Variants in SCAI observed in about 807,000 individuals in gnomAD.
The protein encoded by SCAI is suppressor of cancer cell invasion, also known as protein SCAI.
Under a neutral mutation model 92.2 loss-of-function variants are expected in SCAI, and 24 were observed. The ratio of observed to expected loss-of-function variants is 0.26; its 90% CI spans 0.19 to 0.37. The LOEUF is 0.37. Among genes scored for constraint, SCAI ranks in the 10% least tolerant of loss-of-function variants. SCAI has a pLI of 1.00. For missense variants in SCAI, 450 were observed against 736.2 expected (o/e 0.61, Z 4.50); for synonymous variants, 261 against 258.6 (o/e 1.01, Z -0.09).
chr9:125,028,587 G>A (rs1294664740), intron 4 of SCAI, 109 bp from the exon 5 acceptor site: 1 of 464,156 alleles, frequency 2.2e-6, no homozygotes, highest in African/African-American at 2.0e-5. Context: ...CAAAGCTAAT[G>A]AATTTTTCAT....
At chr9:125,088,222 T>C (rs1834361646) in intron 2 of SCAI, among the ~76,000 whole-genome samples, 1 of 152,074 alleles carries the variant, frequency 6.6e-6, no homozygotes, top group Non-Finnish European at 1.5e-5. Context: ...CACCACCCCA[T>C]GTAGCTGGAA....
intron 3 of SCAI, among the ~76,000 whole-genome samples, chr9:125,036,405 T>C (rs1243319480): frequency 1.3e-5 from 2 of 152,124 alleles, no homozygotes; most frequent in African/African-American, 2.4e-5. Flanking sequence ...GGAGAATGTA[T>C]AAATTAATAA....
At position 124,944,165 on chromosome 9, in the gene SCAI, G is replaced by A. The variant is rs1173352371; in HGVS notation, c.*8642C>T. On this transcript the variant is annotated 3_prime_UTR_variant, in exon 18 of 18. Transcript: ENST00000336505. Reference sequence around the variant, plus strand: ...AGCCATATGGTCTATGTGGCAAAAGGAATGCATTCAGATAACTATAAAAAG... The same window carrying A: ...AGCCATATGGTCTATGTGGCAAAAGAAATGCATTCAGATAACTATAAAAAG... 5 of 152,076 alleles carry A rather than the reference G, an allele frequency of 3.3e-5. No homozygotes were observed. Among genetic ancestry groups the A allele is most frequent in the African/African-American group, 7.2e-5 (3 of 41,410 alleles). 9.4% of individuals were successfully genotyped at this position (152,076 alleles called of 1,614,324 possible).
At chr9:124,986,958 G>C (rs915621208) in intron 14 of SCAI, among the ~76,000 whole-genome samples, 1 of 152,204 alleles carries the variant, frequency 6.6e-6, no homozygotes, top group African/African-American at 2.4e-5. Flanking sequence ...AGCTAGCTCT[G>C]TCATAAATAC....
chr9:124,984,798 T>A (rs1831955531), intron 14 of SCAI, among the ~76,000 whole-genome samples: 1 of 152,032 alleles, frequency 6.6e-6, no homozygotes, highest in Non-Finnish European at 1.5e-5. Flanking sequence ...TTGGAGGTTG[T>A]CAACACAGAA....
intron 2 of SCAI, among the ~76,000 whole-genome samples, chr9:125,119,226 C>T (rs949261001): frequency 6.6e-6 from 1 of 152,136 alleles, no homozygotes; most frequent in African/African-American, 2.4e-5. Flanking sequence ...AGTCTCAAAG[C>T]AAACCCATGA....
intron 9 of SCAI, among the ~76,000 whole-genome samples, chr9:125,011,590 C>A (rs1300213183): frequency 6.6e-6 from 1 of 152,166 alleles, no homozygotes; most frequent in African/African-American, 2.4e-5. Context: ...GAGAATGGAA[C>A]CAAGTTGGAA....
chr9:125,105,352 G>C (rs768774530), intron 2 of SCAI, among the ~76,000 whole-genome samples: 3 of 152,188 alleles, frequency 2.0e-5, no homozygotes, highest in Non-Finnish European at 2.9e-5. Flanking sequence ...AATAAGGAAA[G>C]ATTCTATTTC....
At chr9:125,090,155 G>A (rs1834402149) in intron 2 of SCAI, among the ~76,000 whole-genome samples, 1 of 152,160 alleles carries the variant, frequency 6.6e-6, no homozygotes, top group Admixed American at 6.5e-5. Context: ...TACATACTAG[G>A]AGCTAGGCAT....
At chr9:125,133,995 A>AT (rs1485636142) in intron 2 of SCAI, among the ~76,000 whole-genome samples, 3 of 152,154 alleles carry the variant, frequency 2.0e-5, no homozygotes, top group Admixed American at 6.5e-5. Flanking sequence ...TAGGAGGCAA[A>AT]ACCCCCTTAG....
chr9:125,132,890 G>C lies in SCAI; in HGVS notation c.98+9743C>G, dbSNP rs188432320. On this transcript the variant is annotated intron_variant, in intron 2 of 17. Transcript: ENST00000336505. ...TGAGGCAGGAGAATCACTTGAACTT[G>C]GGAGGCAGAGGTTGCAGTAAGCCAA... Among the ~76,000 whole-genome samples, 231 of 152,142 alleles carry C rather than the reference G, an allele frequency of 1.5e-3. 3 individuals carry two copies. The highest frequency in any genetic ancestry group is 5.4e-3 in the African/African-American group (224 of 41,510).
Position 125,091,364 on chromosome 9 carries a change from G to C in SCAI, c.99-35357C>G, listed in dbSNP as rs371578642. The stretch of plus-strand genomic sequence containing the variant: ...TTCTGCTTAAGTTGGCTGGAATTAA[G>C]GTCTGTAATTTTCAACCAAGAACCT... On this transcript the variant is annotated intron_variant, in intron 2 of 17. Transcript: ENST00000336505. This position sits in a 1 kb window ranked among gnomAD's most constrained non-coding sequence, Gnocchi z 4.3. Among the ~76,000 whole-genome samples the C allele has an allele frequency of 5.3e-5, 8 of 152,116 alleles. No individual in the cohort carries two copies. The highest frequency in any genetic ancestry group is 1.9e-4 in the African/African-American group (8 of 41,418).
intron 2 of SCAI, among the ~76,000 whole-genome samples, chr9:125,066,472 T>TTTG (rs1833872342): frequency 6.6e-6 from 1 of 151,886 alleles, no homozygotes; most frequent in African/African-American, 2.4e-5. Flanking sequence ...TTATTTTTTT[T>TTTG]TGAGACGGAG....
At chr9:124,967,588 T>C (rs1831565742) in intron 17 of SCAI, among the ~76,000 whole-genome samples, 1 of 152,094 alleles carries the variant, frequency 6.6e-6, no homozygotes, top group African/African-American at 2.4e-5. Context: ...TCCTTTCTTG[T>C]CATTGGAAGT....
chr9:125,132,488 CGT>C (rs1343072125), intron 2 of SCAI, among the ~76,000 whole-genome samples: 3 of 152,124 alleles, frequency 2.0e-5, no homozygotes, highest in African/African-American at 7.2e-5. Flanking sequence ...TGGATCACCA[CGT>C]GTTTGCTGAA....
intron 2 of SCAI, among the ~76,000 whole-genome samples, chr9:125,135,896 G>C (rs955900485): frequency 6.8e-6 from 1 of 147,250 alleles, no homozygotes; most frequent in Non-Finnish European, 1.5e-5. Context: ...TTGAACCCAG[G>C]AGGCAGAGGC....
intron 2 of SCAI, among the ~76,000 whole-genome samples, chr9:125,123,982 T>C (rs1344401888): frequency 6.6e-6 from 1 of 152,162 alleles, no homozygotes; most frequent in African/African-American, 2.4e-5. Flanking sequence ...AAAATAAGAA[T>C]ACAAACAGTG....
intron 9 of SCAI, among the ~76,000 whole-genome samples, chr9:125,006,184 T>A (rs1832503214): frequency 6.6e-6 from 1 of 152,094 alleles, no homozygotes; most frequent in Non-Finnish European, 1.5e-5. Flanking sequence ...GCACGCCTGA[T>A]TCAGCAAACA....
At chr9:125,131,859 A>G (rs1835407777) in intron 2 of SCAI, among the ~76,000 whole-genome samples, 1 of 152,204 alleles carries the variant, frequency 6.6e-6, no homozygotes, top group Admixed American at 6.5e-5. Flanking sequence ...TAGTTTTCCA[A>G]GAAACTACCT....
Sources: gnomAD v4.1 joint callset for allele counts (sites outside exome capture counted in the v4.1 genomes callset) on GRCh38, gnomAD v4.1.1 for gene constraint, Gnocchi (gnomAD v3.1) non-coding constraint, MANE v1.5 for transcripts, NCBI Gene and HGNC (gene_info 2026-07-23, HGNC 2026-07-21) for gene names.